Variants in PARD3 observed in about 807,000 individuals in gnomAD.
PARD3 encodes par-3 family cell polarity regulator.
PARD3 carries 75 observed loss-of-function variants against 155.4 expected under a neutral mutation model. The ratio of observed to expected loss-of-function variants is 0.48; its 90% CI spans 0.40 to 0.58. PARD3 has a LOEUF of 0.58. Ranked by LOEUF, PARD3 falls within the 20% of genes least tolerant of loss-of-function variation. The pLI, the probability that PARD3 is intolerant of heterozygous loss-of-function variation, is 0.00. For missense variants in PARD3, 1,642 were observed against 1,721.7 expected (o/e 0.95, Z 0.82); for synonymous variants, 576 against 610.5 (o/e 0.94, Z 0.83).
intron 1 of PARD3, among the ~76,000 whole-genome samples, chr10:34,749,949 T>C (rs1009034485): frequency 8.6e-5 from 13 of 151,276 alleles, no homozygotes; most frequent in East Asian, 1.9e-4. Context: ...TTGAGCCCAA[T>C]AGGCGAAGGC....
chr10:34,502,049 TTCAC>T (rs1251338021), intron 3 of PARD3, among the ~76,000 whole-genome samples: 1 of 152,160 alleles, frequency 6.6e-6, no homozygotes, highest in Non-Finnish European at 1.5e-5. Context: ...AAGGCAAGCC[TTCAC>T]TAGACACCAA....
At chr10:34,697,255 T>C (rs919911519) in intron 1 of PARD3, among the ~76,000 whole-genome samples, 7 of 152,188 alleles carry the variant, frequency 4.6e-5, no homozygotes, top group Admixed American at 2.6e-4. Flanking sequence ...CATATTCAGA[T>C]GAAAATATAC....
At chr10:34,657,872 C>A (rs1227076828) in intron 2 of PARD3, among the ~76,000 whole-genome samples, 1 of 151,310 alleles carries the variant, frequency 6.6e-6, no homozygotes, top group Non-Finnish European at 1.5e-5. Context: ...AACAGCCAGG[C>A]GCGGTGGCTC....
At chr10:34,684,878 TACAC>T (rs57035644) in intron 2 of PARD3, among the ~76,000 whole-genome samples, 4,195 of 137,814 alleles carry the variant, frequency 0.03, 180 homozygotes, top group African/African-American at 0.1. Flanking sequence ...TACACACACA[TACAC>T]ACACACACAC....
At chr10:34,261,709 G>A (rs75348632) in intron 22 of PARD3, among the ~76,000 whole-genome samples, 2,294 of 28,138 alleles carry the variant, frequency 0.082, 72 homozygotes, top group African/African-American at 0.14. Flanking sequence ...AGGAAGAAAG[G>A]AAGGAAGAAA....
intron 3 of PARD3, among the ~76,000 whole-genome samples, chr10:34,474,886 G>T (rs1000269303): frequency 1.3e-4 from 20 of 152,076 alleles, no homozygotes; most frequent in African/African-American, 4.8e-4. Flanking sequence ...TTTCATTTTG[G>T]GAAGAGGAAG....
At chr10:34,769,635 G>C (rs543561952) in intron 1 of PARD3, among the ~76,000 whole-genome samples, 1 of 151,924 alleles carries the variant, frequency 6.6e-6, no homozygotes, top group Admixed American at 6.6e-5. Flanking sequence ...GCACGTTCCT[G>C]TAGTCACAGC....
chr10:34,475,323 G>T (rs2078638242), intron 3 of PARD3, among the ~76,000 whole-genome samples: 1 of 152,110 alleles, frequency 6.6e-6, no homozygotes, highest in Non-Finnish European at 1.5e-5. Context: ...GAAGACATCT[G>T]GATTCTCATA....
chr10:34,789,028 C>T (rs758225509), intron 1 of PARD3, among the ~76,000 whole-genome samples: 10 of 152,182 alleles, frequency 6.6e-5, no homozygotes, highest in Non-Finnish European at 1.3e-4. Context: ...AAGATTATTA[C>T]AATATTTTAA....
intron 2 of PARD3, among the ~76,000 whole-genome samples, chr10:34,528,072 A>T (rs10827378): frequency 0.29 from 43,942 of 152,050 alleles, 6,909 homozygotes; most frequent in East Asian, 0.42. Context: ...TTTTTAAAAA[A>T]CTGAACACAG....
chr10:34,364,731 G>C (rs1348031141), intron 12 of PARD3, among the ~76,000 whole-genome samples: 2 of 152,138 alleles, frequency 1.3e-5, no homozygotes, highest in Non-Finnish European at 2.9e-5. Flanking sequence ...ACCATGCCCA[G>C]CTGAGTTATT....
intron 22 of PARD3, among the ~76,000 whole-genome samples, chr10:34,252,115 G>A (rs1172809172): frequency 6.6e-6 from 1 of 152,178 alleles, no homozygotes; most frequent in Non-Finnish European, 1.5e-5. Flanking sequence ...AGGGTGTGCT[G>A]GGGAGGGGGA....
At chr10:34,672,032 G>A (rs1255002698) in intron 2 of PARD3, among the ~76,000 whole-genome samples, 1 of 151,726 alleles carries the variant, frequency 6.6e-6, no homozygotes, top group African/African-American at 2.4e-5. Flanking sequence ...AAATTAGCCA[G>A]GTATGATGGT....
At chr10:34,548,677 C>T (rs1279130046) in intron 2 of PARD3, among the ~76,000 whole-genome samples, 2 of 152,088 alleles carry the variant, frequency 1.3e-5, no homozygotes, top group South Asian at 2.1e-4. Flanking sequence ...ACATTCCACT[C>T]TCTTCTGTGG....
intron 22 of PARD3, among the ~76,000 whole-genome samples, chr10:34,181,590 G>GTAGA (rs1463392791): frequency 2.0e-5 from 3 of 152,230 alleles, no homozygotes; most frequent in Middle Eastern, 3.4e-3. Context: ...TATGTGTTGA[G>GTAGA]TAGATACATA....
chr10:34,551,724 C>T (rs530648835), intron 2 of PARD3, among the ~76,000 whole-genome samples: 2 of 152,264 alleles, frequency 1.3e-5, no homozygotes, highest in East Asian at 1.9e-4. Flanking sequence ...GTAAGGGCAG[C>T]GTGTGATGGG....
intron 1 of PARD3, among the ~76,000 whole-genome samples, chr10:34,698,202 G>A (rs1484250875): frequency 6.6e-6 from 1 of 152,020 alleles, no homozygotes; most frequent in African/African-American, 2.4e-5. Context: ...TCCTAATCCT[G>A]TTCACTCCCT....
At chr10:34,421,459 T>C (rs1320776288) in intron 5 of PARD3, among the ~76,000 whole-genome samples, 1 of 151,858 alleles carries the variant, frequency 6.6e-6, no homozygotes, top group Non-Finnish European at 1.5e-5. Context: ...ATGCATCATA[T>C]ACAACTAAAA....
chr10:34,761,744 T>G (rs1333669398), intron 1 of PARD3, among the ~76,000 whole-genome samples: 5 of 152,160 alleles, frequency 3.3e-5, no homozygotes, highest in African/African-American at 1.2e-4. Context: ...TATTTTATGT[T>G]CTGCAGTGCA....
Sources: gnomAD v4.1 joint callset for allele counts (sites outside exome capture counted in the v4.1 genomes callset) on GRCh38, gnomAD v4.1.1 for gene constraint, MANE v1.5 for transcripts, NCBI Gene and HGNC (gene_info 2026-07-23, HGNC 2026-07-21) for gene names.